PIGN: variants seen among roughly 807,000 people sequenced by gnomAD.
PIGN encodes the protein phosphatidylinositol glycan anchor biosynthesis class N, also known as GPI ethanolamine phosphate transferase 1.
PIGN carries 117 observed loss-of-function variants against 125.4 expected under a neutral mutation model. The observed-to-expected ratio is 0.93, with a 90% CI of 0.80 to 1.09. The LOEUF (loss-of-function observed/expected upper bound fraction) is 1.09. PIGN is among the 50% of genes least tolerant of loss of function. PIGN has a pLI of 0.00. For synonymous variants in PIGN, 392 were observed against 377.8 expected (o/e 1.04, Z -0.44); for missense variants, 1,075 against 1,094.9 (o/e 0.98, Z 0.26).
At chr18:62,186,778 C>G (rs962643769) in intron 1 of PIGN, 66 bp downstream of exon 1, 1 of 151,650 alleles carries the variant, frequency 6.6e-6, no homozygotes, top group African/African-American at 2.4e-5. Flanking sequence ...GGAAACAGCG[C>G]GTCCGCGGGC....
At chr18:62,025,666 AC>A (rs2030108226) in intron 23 of PIGN, among the ~76,000 whole-genome samples, 2 of 152,294 alleles carry the variant, frequency 1.3e-5, no homozygotes, top group South Asian at 4.1e-4. Context: ...GACACCTCAC[AC>A]TGACCATGTC....
chr18:62,057,324 AT>A (rs1449714462), intron 30 of PIGN, among the ~76,000 whole-genome samples: 3 of 152,134 alleles, frequency 2.0e-5, no homozygotes, highest in African/African-American at 7.2e-5. Flanking sequence ...CTTTCTCCAG[AT>A]TTCTGCAATG....
chr18:62,030,503 G>A (rs1051412666), intron 23 of PIGN, among the ~76,000 whole-genome samples: 5 of 152,138 alleles, frequency 3.3e-5, no homozygotes, highest in Admixed American at 2.6e-4. Context: ...ATATCAAAGG[G>A]AAAAGGAAAG....
intron 30 of PIGN, among the ~76,000 whole-genome samples, chr18:62,068,019 A>G (rs1336523502): frequency 6.6e-6 from 1 of 152,206 alleles, no homozygotes; most frequent in Non-Finnish European, 1.5e-5. Flanking sequence ...TGTTAGGAGG[A>G]GGCTACACAT....
chr18:62,145,105 G>A (rs1215466256), intron 10 of PIGN, among the ~76,000 whole-genome samples: 2 of 151,968 alleles, frequency 1.3e-5, no homozygotes, highest in Non-Finnish European at 2.9e-5. Flanking sequence ...TAATGTGTAA[G>A]TTTTGTTTAT....
At chr18:62,057,883 C>T (rs1243928804) in intron 30 of PIGN, among the ~76,000 whole-genome samples, 1 of 152,204 alleles carries the variant, frequency 6.6e-6, no homozygotes, top group African/African-American at 2.4e-5. Context: ...GGAAAAGATA[C>T]TTTGCTTAAT....
intron 14 of PIGN, among the ~76,000 whole-genome samples, chr18:62,116,120 A>G (rs1340304727): frequency 6.6e-6 from 1 of 152,200 alleles, no homozygotes; most frequent in African/African-American, 2.4e-5. Context: ...ACATGAAAGA[A>G]AAACAAGTTA....
chr18:62,171,339 C>A (rs2037339093), intron 1 of PIGN, among the ~76,000 whole-genome samples: 1 of 152,158 alleles, frequency 6.6e-6, no homozygotes, highest in Admixed American at 6.5e-5. Context: ...CTGTACCCTG[C>A]AACACTGATC....
At chr18:62,125,666 A>T (rs1377263539) in intron 14 of PIGN, among the ~76,000 whole-genome samples, 1 of 152,096 alleles carries the variant, frequency 6.6e-6, no homozygotes, top group East Asian at 1.9e-4. Flanking sequence ...ATTTAGCAAC[A>T]TAATCATATA....
chr18:62,102,938 A>T, intron 20 of PIGN, 36 bp from the exon 21 acceptor site: 1 of 1,221,928 alleles, frequency 8.2e-7, no homozygotes, highest in Non-Finnish European at 1.1e-6. Context: ...AATTTTCTTC[A>T]GATATTTACG....
Position 62,072,729 on chromosome 18 carries a change from T to TAAAAAAAAAAAAAAAACA in PIGN, c.2620-5_2620-4insTGTTTTTTTTTTTTTTTT. 1 of 1,425,048 alleles carries TAAAAAAAAAAAAAAAACA rather than the reference T, an allele frequency of 7.0e-7. No individual in the cohort carries two copies. Among genetic ancestry groups the TAAAAAAAAAAAAAAAACA allele is most frequent in the African/African-American group, 1.5e-5 (1 of 66,412 alleles). The allele number at this position is 1,425,048 out of a possible 1,614,324, so 88.3% of individuals were successfully genotyped here. On this transcript the variant is annotated splice_polypyrimidine_tract_variant and splice_region_variant and intron_variant, in intron 29 of 30. Transcript: ENST00000640252. Reference sequence around the variant, plus strand: ...CCTTGACCAAGAAGAAAAAATGCTGTAAAAAAAAAAAAAGGCTTAATGAAA... The same window carrying TAAAAAAAAAAAAAAAACA: ...CCTTGACCAAGAAGAAAAAATGCTGTAAAAAAAAAAAAAAAACAAAAAAAAAAAAAAGGCTTAATGAAA...
chr18:62,021,636 C>T (rs2030055912), intron 23 of PIGN, among the ~76,000 whole-genome samples: 1 of 152,186 alleles, frequency 6.6e-6, no homozygotes, highest in Non-Finnish European at 1.5e-5. Context: ...ACAGGTGCCC[C>T]CACCAGGATT....
chr18:62,068,032 T>C (rs1472639982), intron 30 of PIGN, among the ~76,000 whole-genome samples: 1 of 152,230 alleles, frequency 6.6e-6, no homozygotes, highest in African/African-American at 2.4e-5. Flanking sequence ...CTACACATGC[T>C]AGAATGGAGA....
In PIGN at chr18:62,041,416, G is replaced by T. The variant is rs1197630174; in HGVS notation, c.*4440C>A. 1.3e-5 allele frequency: 2 copies of T among 152,138 alleles called. No individual in the cohort carries two copies. The highest frequency in any genetic ancestry group is 2.9e-5 in the Non-Finnish European group (2 of 67,970). 9.4% of individuals were successfully genotyped at this position (152,138 alleles called of 1,614,324 possible). ...TAAAAATGGTATTCCAGTTCTCAGG[G>T]AAAAAAATTCAATCAACATACAACA... On this transcript the variant is annotated 3_prime_UTR_variant, in exon 31 of 31. Transcript: ENST00000640252.
At chr18:62,125,666 A>G (rs1377263539) in intron 14 of PIGN, among the ~76,000 whole-genome samples, 3 of 152,096 alleles carry the variant, frequency 2.0e-5, no homozygotes, top group African/African-American at 7.2e-5. Flanking sequence ...ATTTAGCAAC[A>G]TAATCATATA....
chr18:62,033,602 T>C (rs186927359), intron 23 of PIGN, among the ~76,000 whole-genome samples: 2 of 152,354 alleles, frequency 1.3e-5, no homozygotes, highest in Non-Finnish European at 2.9e-5. Context: ...CTGTATTTCA[T>C]TGTAGAACTA....
rs184002237 is a variant in PIGN at position 62,028,916 on chromosome 18, C to A, written c.2143-11175G>T. Among the ~76,000 whole-genome samples, 367 of 152,308 alleles carry A rather than the reference C, an allele frequency of 2.4e-3. 2 individuals are homozygous for A. The highest frequency in any genetic ancestry group is 8.4e-3 in the African/African-American group (348 of 41,574). On this transcript the variant is annotated intron_variant, in intron 23 of 24. Transcript: ENST00000639600. ...CTTGTCCTTTGCAGCAGTAGATCAGCGCTGTCAACTCTCCATATGAAAAAC... is the reference window on the plus strand; with the variant it reads ...CTTGTCCTTTGCAGCAGTAGATCAGAGCTGTCAACTCTCCATATGAAAAAC...
chr18:62,027,768 G>A (rs1434269175), intron 23 of PIGN, among the ~76,000 whole-genome samples: 1 of 152,090 alleles, frequency 6.6e-6, no homozygotes, highest in African/African-American at 2.4e-5. Flanking sequence ...TTAGCTGGGT[G>A]TGGTGGCACA....
intron 20 of PIGN, chr18:62,103,871 T>C (rs1276870743): frequency 6.6e-6 from 1 of 152,210 alleles, no homozygotes; most frequent in Non-Finnish European, 1.5e-5. Flanking sequence ...TCACATATGA[T>C]CAAGATTCTT....
Sources: allele counts gnomAD v4.1 joint callset (sites outside exome capture counted in the v4.1 genomes callset), GRCh38; gene constraint gnomAD v4.1.1; transcripts MANE v1.5; gene names NCBI Gene and HGNC (gene_info 2026-07-23, HGNC 2026-07-21).